The following NEBL variants were observed in gnomAD, a reference collection of about 807,000 sequenced individuals.
The protein encoded by NEBL is LIM and SH3 protein 2.
NEBL carries 122 observed loss-of-function variants against 140.2 expected under a neutral mutation model. The ratio of observed to expected loss-of-function variants is 0.87; its 90% CI spans 0.75 to 1.01. NEBL has a LOEUF of 1.01. NEBL is among the 50% of genes least tolerant of loss of function. NEBL has a pLI of 0.00. For synonymous variants in NEBL, 436 were observed against 398.9 expected (o/e 1.09, Z -1.11); for missense variants, 1,365 against 1,231.3 (o/e 1.11, Z -1.62).
intron 26 of NEBL, among the ~76,000 whole-genome samples, chr10:20,805,289 G>A (rs1230146585): frequency 6.6e-6 from 1 of 152,162 alleles, no homozygotes; most frequent in East Asian, 1.9e-4. Flanking sequence ...TTTGAATACT[G>A]ACATCAGGTG....
rs144085517 is a variant in NEBL at position 21,239,634 on chromosome 10, G to A, written n.348+8287C>T. On this transcript the variant is annotated intron_variant and non_coding_transcript_variant, in intron 3 of 8. Transcript: ENST00000675702. ...CCCTCTCCCAAGTGCCAGAACATTC[G>A]GGGCCTTGACCCTTCTCCCTTGGGA... Among the ~76,000 whole-genome samples, 425 of 152,190 alleles carry A rather than the reference G, an allele frequency of 2.8e-3. 1 individual carries two copies. The highest frequency in any genetic ancestry group is 8.9e-3 in the African/African-American group (369 of 41,526).
At chr10:20,831,390 C>A in intron 15 of NEBL, 83 bp downstream of exon 15, 1 of 1,495,634 alleles carries the variant, frequency 6.7e-7, no homozygotes, top group South Asian at 1.1e-5. Flanking sequence ...CTCAAAGCCA[C>A]CCATGTGGAA....
At chr10:20,964,274 C>G (rs1836189492) in intron 3 of NEBL, among the ~76,000 whole-genome samples, 1 of 152,092 alleles carries the variant, frequency 6.6e-6, no homozygotes, top group Non-Finnish European at 1.5e-5. Context: ...GGGACTCTGG[C>G]AGGAATTCTT....
At chr10:21,178,274 A>G (rs1841334194), upstream of NEBL, among the ~76,000 whole-genome samples, 2 of 152,250 alleles carry the variant, frequency 1.3e-5, no homozygotes, top group Admixed American at 6.5e-5. Flanking sequence ...CATTCAACAT[A>G]TAGTTATTGG....
intron 1 of NEBL, among the ~76,000 whole-genome samples, chr10:21,270,347 G>C (rs1018689362): frequency 6.6e-6 from 1 of 150,394 alleles, no homozygotes; most frequent in African/African-American, 2.5e-5. Context: ...TAATCTGATA[G>C]AGTCTGAGAC....
chr10:20,845,119 T>C (rs1463650250), intron 12 of NEBL, 139 bp downstream of exon 12: 7 of 600,814 alleles, frequency 1.2e-5, no homozygotes, highest in East Asian at 5.6e-5. Flanking sequence ...CAACACTTTA[T>C]TAGTGAAGAT....
chr10:21,196,623 G>A (rs747939939), intron 3 of NEBL, among the ~76,000 whole-genome samples: 3 of 152,134 alleles, frequency 2.0e-5, no homozygotes, highest in Non-Finnish European at 4.4e-5. Flanking sequence ...GGGATTACAG[G>A]CATGAGCCAC....
intron 4 of NEBL, among the ~76,000 whole-genome samples, chr10:20,904,702 C>T (rs1312417672): frequency 6.6e-6 from 1 of 152,220 alleles, no homozygotes; most frequent in African/African-American, 2.4e-5. Context: ...GCAGAGTTAA[C>T]TCACCACAGC....
chr10:20,815,262 A>G (rs970545503), intron 22 of NEBL, among the ~76,000 whole-genome samples: 5 of 152,222 alleles, frequency 3.3e-5, no homozygotes, highest in African/African-American at 1.2e-4. Flanking sequence ...GACAGCATTT[A>G]ACAATCCATG....
At chr10:21,030,021 C>T (rs949120408) in intron 2 of NEBL, 16 of 490,198 alleles carry the variant, frequency 3.3e-5, no homozygotes, top group Admixed American at 2.2e-4. Context: ...AATCTAAAGC[C>T]TCATAATACT....
At chr10:21,102,431 C>T (rs1037325597) in intron 2 of NEBL, among the ~76,000 whole-genome samples, 3 of 152,180 alleles carry the variant, frequency 2.0e-5, no homozygotes, top group African/African-American at 4.8e-5. Flanking sequence ...CCCATCCTTA[C>T]CCACTAACCC....
At chr10:20,990,855 T>C (rs571516626) in intron 3 of NEBL, among the ~76,000 whole-genome samples, 1 of 152,304 alleles carries the variant, frequency 6.6e-6, no homozygotes, top group Admixed American at 6.5e-5. Context: ...AGATCATTCA[T>C]CCCTGCTCTG....
chr10:20,900,668 CAAA>C (rs113404858), upstream of NEBL, among the ~76,000 whole-genome samples: 1 of 118,516 alleles, frequency 8.4e-6, no homozygotes. Flanking sequence ...TACTAAAATA[CAAA>C]AAAAAAAAAA....
chr10:21,056,848 T>A (rs1589184894), intron 2 of NEBL, among the ~76,000 whole-genome samples: 1 of 152,212 alleles, frequency 6.6e-6, no homozygotes, highest in East Asian at 1.9e-4. Context: ...AGGATGGTGG[T>A]TCATCCAGGA....
At position 20,857,762 on chromosome 10, in the gene NEBL, A is replaced by C. The variant is rs573522256; in HGVS notation, c.903+478T>G. Among the ~76,000 whole-genome samples the C allele has an allele frequency of 9.2e-5, 14 of 152,304 alleles. No homozygotes were observed. The South Asian group carries it at 2.9e-3, about 32-fold the overall frequency. On this transcript the variant is annotated intron_variant, in intron 9 of 27. Transcript: ENST00000377122. ...CTTGACCGAGAACATGGAAACCATGACAAGACTAAAAGCGATGTGTCAATG... is the reference window on the plus strand; with the variant it reads ...CTTGACCGAGAACATGGAAACCATGCCAAGACTAAAAGCGATGTGTCAATG...
At chr10:21,287,612 A>G (rs1180162613) in intron 1 of NEBL, among the ~76,000 whole-genome samples, 1 of 152,238 alleles carries the variant, frequency 6.6e-6, no homozygotes, top group East Asian at 1.9e-4. Context: ...AATTAAAATT[A>G]TAATGGGAGA....
chr10:21,229,820 C>T (rs1380113677), intron 3 of NEBL, among the ~76,000 whole-genome samples: 2 of 152,218 alleles, frequency 1.3e-5, no homozygotes, highest in African/African-American at 2.4e-5. Flanking sequence ...TAACATGTGC[C>T]AGCACAGAGT....
chr10:21,184,644 T>C (rs1841436580), intron 3 of NEBL, among the ~76,000 whole-genome samples: 1 of 152,162 alleles, frequency 6.6e-6, no homozygotes, highest in Non-Finnish European at 1.5e-5. Flanking sequence ...TAAAAATAGG[T>C]ATCAAAGCTC....
At chr10:21,184,169 G>A (rs889198077) in intron 3 of NEBL, among the ~76,000 whole-genome samples, 11 of 152,206 alleles carry the variant, frequency 7.2e-5, no homozygotes, top group Non-Finnish European at 1.5e-5. Context: ...TAAGCTAGTA[G>A]TCCACGTGAC....
Sources: allele counts gnomAD v4.1 joint callset (sites outside exome capture counted in the v4.1 genomes callset), GRCh38; gene constraint gnomAD v4.1.1; transcripts MANE v1.5; gene names NCBI Gene and HGNC (gene_info 2026-07-23, HGNC 2026-07-21).